ERC1: variants seen among roughly 807,000 people sequenced by gnomAD.
ERC1 encodes the protein ELKS/RAB6-interacting/CAST family member 1.
Under a neutral mutation model 132.0 loss-of-function variants are expected in ERC1, and 56 were observed. The ratio of observed to expected loss-of-function variants is 0.42; its 90% CI spans 0.34 to 0.53. The LOEUF is 0.53. ERC1 is among the 20% of genes least tolerant of loss of function. The pLI, the probability that ERC1 is intolerant of heterozygous loss-of-function variation, is 0.03. For synonymous variants in ERC1, 478 were observed against 476.1 expected (o/e 1.00, Z -0.05); for missense variants, 1,202 against 1,349.9 (o/e 0.89, Z 1.72).
intron 14 of ERC1, among the ~76,000 whole-genome samples, chr12:1,267,652 C>G (rs2077563363): frequency 6.6e-6 from 1 of 152,104 alleles, no homozygotes; most frequent in African/African-American, 2.4e-5. Context: ...TTCCCAGCTA[C>G]TTGAGGGACT....
intron 1 of ERC1, among the ~76,000 whole-genome samples, chr12:1,012,020 T>C (rs1964759174): frequency 6.6e-6 from 1 of 152,120 alleles, no homozygotes; most frequent in Non-Finnish European, 1.5e-5. Flanking sequence ...TTGTAAATGG[T>C]TTTTGTAGGC....
chr12:1,451,850 C>A (rs1482184283), intron 18 of ERC1, among the ~76,000 whole-genome samples: 2 of 152,018 alleles, frequency 1.3e-5, no homozygotes, highest in Admixed American at 6.6e-5. Flanking sequence ...AGAGATAAGA[C>A]CTTTAAAGAG....
chr12:1,241,778 C>G (rs141235214), intron 13 of ERC1, among the ~76,000 whole-genome samples: 2 of 151,328 alleles, frequency 1.3e-5, no homozygotes, highest in Non-Finnish European at 1.5e-5. Flanking sequence ...CATAATCACA[C>G]AGAAGTTTCC....
intron 8 of ERC1, among the ~76,000 whole-genome samples, chr12:1,172,306 C>T (rs1953152682): frequency 6.6e-6 from 1 of 151,980 alleles, no homozygotes; most frequent in African/African-American, 2.4e-5. Context: ...TTCATCTCTA[C>T]AAAAATTAAA....
At chr12:1,473,489 G>A (rs1004444799) in intron 18 of ERC1, among the ~76,000 whole-genome samples, 4 of 152,044 alleles carry the variant, frequency 2.6e-5, no homozygotes, top group African/African-American at 4.8e-5. Flanking sequence ...GGGGAGCTGG[G>A]TGTGATGGTG....
Position 1,477,998 on chromosome 12 carries a change from A to G in ERC1, c.3214-12095A>G, listed in dbSNP as rs567707637. Among the ~76,000 whole-genome samples, 6 of 152,332 alleles carry G rather than the reference A, an allele frequency of 3.9e-5. No homozygotes were observed. The East Asian group carries it at 9.6e-4, about 24-fold the overall frequency. ...GCCACAAATTGTTTATCGTCTGTTT[A>G]TCATTCAGTATGGACATTTGGGTTG... On this transcript the variant is annotated intron_variant, in intron 18 of 18. Coordinates refer to ENST00000360905, the MANE Select transcript of ERC1 (RefSeq NM_178040.4).
At chr12:1,335,502 T>A (rs1221285468) in intron 15 of ERC1, among the ~76,000 whole-genome samples, 1 of 152,190 alleles carries the variant, frequency 6.6e-6, no homozygotes, top group Non-Finnish European at 1.5e-5. Flanking sequence ...AGTTTTTGTC[T>A]TTAGTTCTGT....
intron 1 of ERC1, among the ~76,000 whole-genome samples, chr12:1,002,628 T>A (rs75914985): frequency 0.014 from 2,080 of 152,284 alleles, 47 homozygotes; most frequent in African/African-American, 0.047. Context: ...TTCTACAAAT[T>A]ACATGCCCCA....
chr12:1,395,027 C>T (rs1240591674), intron 16 of ERC1, among the ~76,000 whole-genome samples: 1 of 152,122 alleles, frequency 6.6e-6, no homozygotes, highest in Non-Finnish European at 1.5e-5. Context: ...GCTAATAATT[C>T]CCTTTAAACA....
intron 2 of ERC1, among the ~76,000 whole-genome samples, chr12:1,067,530 G>A (rs1365711219): frequency 6.6e-6 from 1 of 152,200 alleles, no homozygotes; most frequent in African/African-American, 2.4e-5. Context: ...AGAAATTGCT[G>A]ATGGAAGTGG....
intron 14 of ERC1, among the ~76,000 whole-genome samples, chr12:1,274,592 A>C (rs1288818113): frequency 6.6e-6 from 1 of 151,988 alleles, no homozygotes; most frequent in African/African-American, 2.4e-5. Flanking sequence ...TCCCAGGTTC[A>C]AGCAATTCTT....
chr12:1,331,322 A>G (rs7295126), intron 15 of ERC1, among the ~76,000 whole-genome samples: 29,002 of 152,172 alleles, frequency 0.19, 3,196 homozygotes, highest in Non-Finnish European at 0.25. Flanking sequence ...ATGTTTTTAC[A>G]TGTAGCCAAT....
chr12:1,489,972 A>C (rs1308804095), intron 18 of ERC1, 121 bp from the exon 19 acceptor site: 1 of 1,130,754 alleles, frequency 8.8e-7, no homozygotes, highest in Non-Finnish European at 1.3e-6. Flanking sequence ...CTTATGGTTA[A>C]TTTTGATGCA....
chr12:1,136,697 G>T (rs1170189418), intron 7 of ERC1, among the ~76,000 whole-genome samples: 3 of 152,196 alleles, frequency 2.0e-5, no homozygotes, highest in South Asian at 4.1e-4. Flanking sequence ...TTTCAGGCTT[G>T]TCTCTTGTCC....
intron 13 of ERC1, among the ~76,000 whole-genome samples, chr12:1,251,886 T>C (rs549059377): frequency 2.7e-4 from 41 of 152,306 alleles, no homozygotes; most frequent in South Asian, 8.3e-4. Flanking sequence ...GTTCTCACTT[T>C]AGTGAAATGA....
At chr12:1,168,183 C>T (rs995230061) in intron 8 of ERC1, among the ~76,000 whole-genome samples, 1 of 152,050 alleles carries the variant, frequency 6.6e-6, no homozygotes, top group Non-Finnish European at 1.5e-5. Context: ...TGTAGTGGTG[C>T]GATCGTGGCT....
chr12:1,021,560 G>A (rs943224446), intron 1 of ERC1, among the ~76,000 whole-genome samples: 2 of 151,936 alleles, frequency 1.3e-5, no homozygotes, highest in African/African-American at 2.4e-5. Flanking sequence ...TTAGCCGGGC[G>A]TGGTGGCACG....
intron 7 of ERC1, 27 bp downstream of exon 7, chr12:1,116,060 G>A (rs766063193): frequency 1.9e-5 from 30 of 1,590,024 alleles, no homozygotes; most frequent in Non-Finnish European, 2.5e-5. Context: ...GATTTGTGGG[G>A]AGTTGGTTTC....
intron 16 of ERC1, among the ~76,000 whole-genome samples, chr12:1,394,177 G>T (rs1416113117): frequency 7.9e-5 from 12 of 151,820 alleles, no homozygotes; most frequent in Admixed American, 7.9e-4. Context: ...AAGGCGGGCA[G>T]ATCACGAGGT....
Sources: allele counts gnomAD v4.1 joint callset (sites outside exome capture counted in the v4.1 genomes callset), GRCh38; gene constraint gnomAD v4.1.1; transcripts MANE v1.5; gene names NCBI Gene and HGNC (gene_info 2026-07-23, HGNC 2026-07-21).